Variants in CTNND2 observed in about 807,000 individuals in gnomAD.
CTNND2 encodes catenin delta-2.
CTNND2 carries 22 observed loss-of-function variants against 144.4 expected under a neutral mutation model. That is an observed-to-expected ratio of 0.15 (90% CI 0.11 to 0.22). CTNND2 has a LOEUF of 0.22. CTNND2 is among the 10% of genes least tolerant of loss of function. The probability of loss-of-function intolerance (pLI) is 1.00; values close to 1 mark genes in which losing one functional copy is unlikely to be tolerated. For missense variants in CTNND2, 1,353 were observed against 1,618.8 expected (o/e 0.84, Z 2.82); for synonymous variants, 751 against 695.6 (o/e 1.08, Z -1.25).
chr5:11,227,563 C>T (rs565505733), intron 10 of CTNND2, among the ~76,000 whole-genome samples: 4 of 152,094 alleles, frequency 2.6e-5, no homozygotes, highest in Non-Finnish European at 5.9e-5. Context: ...CACATTCCCT[C>T]GAACTATATG....
intron 9 of CTNND2, among the ~76,000 whole-genome samples, chr5:11,254,683 G>A (rs755808883): frequency 5.9e-5 from 9 of 152,142 alleles, no homozygotes; most frequent in South Asian, 4.1e-4. Flanking sequence ...GTCTAGAAAT[G>A]TTTTTTACAC....
intron 3 of CTNND2, among the ~76,000 whole-genome samples, chr5:11,555,452 G>A (rs16901742): frequency 0.1 from 15,900 of 152,120 alleles, 1,067 homozygotes; most frequent in East Asian, 0.23. Flanking sequence ...AAAAAAGAGA[G>A]GTTTAGAGGA....
At chr5:11,771,820 G>T (rs2126826925) in intron 1 of CTNND2, among the ~76,000 whole-genome samples, 1 of 151,044 alleles carries the variant, frequency 6.6e-6, no homozygotes. Context: ...ACTTCCTTAA[G>T]ATAAATTATT....
At chr5:11,865,943 G>A (rs1472365846) in intron 1 of CTNND2, among the ~76,000 whole-genome samples, 2 of 137,480 alleles carry the variant, frequency 1.5e-5, no homozygotes, top group Non-Finnish European at 3.1e-5. Flanking sequence ...CCTCCAGAAA[G>A]GAACACAGCC....
At chr5:11,453,221 T>C (rs1217456431) in intron 3 of CTNND2, among the ~76,000 whole-genome samples, 1 of 152,202 alleles carries the variant, frequency 6.6e-6, no homozygotes. Context: ...CAGACACAAC[T>C]ATTCTATTAA....
intron 9 of CTNND2, among the ~76,000 whole-genome samples, chr5:11,296,193 A>G (rs961825527): frequency 6.6e-6 from 1 of 152,002 alleles, no homozygotes; most frequent in African/African-American, 2.4e-5. Flanking sequence ...GACACTTCTC[A>G]AAAGAAGACA....
At chr5:11,257,075 A>T (rs1744329791) in intron 9 of CTNND2, among the ~76,000 whole-genome samples, 1 of 152,204 alleles carries the variant, frequency 6.6e-6, no homozygotes, top group African/African-American at 2.4e-5. Context: ...GGTCACAGGA[A>T]ATTAATCTCT....
chr5:11,850,504 A>G (rs1324258354), intron 1 of CTNND2, among the ~76,000 whole-genome samples: 1 of 152,216 alleles, frequency 6.6e-6, no homozygotes, highest in East Asian at 1.9e-4. Flanking sequence ...TCTACTATAC[A>G]TTTGTAATAA....
At chr5:11,375,663 T>G (rs567845944) in intron 7 of CTNND2, among the ~76,000 whole-genome samples, 1 of 152,264 alleles carries the variant, frequency 6.6e-6, no homozygotes, top group East Asian at 1.9e-4. Context: ...ATGAAACCAA[T>G]CTATAGCCAA....
At chr5:11,360,520 G>A (rs1023417289) in intron 8 of CTNND2, among the ~76,000 whole-genome samples, 15 of 152,094 alleles carry the variant, frequency 9.9e-5, no homozygotes, top group African/African-American at 2.7e-4. Context: ...CTGGTAGAGC[G>A]TACAGCTGTA....
intron 3 of CTNND2, among the ~76,000 whole-genome samples, chr5:11,452,861 G>T (rs987997093): frequency 6.6e-6 from 1 of 152,136 alleles, no homozygotes; most frequent in Non-Finnish European, 1.5e-5. Context: ...ATAGGTTTGC[G>T]ATCTATCCTA....
At chr5:11,304,911 G>T (rs976955128) in intron 9 of CTNND2, among the ~76,000 whole-genome samples, 4 of 152,118 alleles carry the variant, frequency 2.6e-5, no homozygotes, top group Non-Finnish European at 1.5e-5. Flanking sequence ...TAAGAAGCAC[G>T]TTATCCCAAG....
chr5:11,307,400 G>C (rs1018127334), intron 9 of CTNND2, among the ~76,000 whole-genome samples: 4 of 151,954 alleles, frequency 2.6e-5, no homozygotes, highest in African/African-American at 9.7e-5. Context: ...GAAGCAACCT[G>C]GTAGGAGGAA....
chr5:11,594,687 A>G (rs537491117), intron 2 of CTNND2, among the ~76,000 whole-genome samples: 13 of 152,300 alleles, frequency 8.5e-5, no homozygotes, highest in Admixed American at 5.2e-4. Context: ...AAAACAAACA[A>G]ATATACACAC....
intron 3 of CTNND2, among the ~76,000 whole-genome samples, chr5:11,476,894 A>C (rs1767797708): frequency 6.6e-6 from 1 of 152,190 alleles, no homozygotes; most frequent in South Asian, 2.1e-4. Flanking sequence ...TATTGCACAG[A>C]AAGGGAGTAG....
chr5:11,081,119 C>T (rs1398050076), intron 16 of CTNND2, among the ~76,000 whole-genome samples: 1 of 151,892 alleles, frequency 6.6e-6, no homozygotes, highest in African/African-American at 2.4e-5. Context: ...CACACACACA[C>T]ACAAACATGC....
At chr5:11,529,314 A>T (rs1344078794) in intron 3 of CTNND2, among the ~76,000 whole-genome samples, 4 of 152,252 alleles carry the variant, frequency 2.6e-5, no homozygotes, top group Non-Finnish European at 5.9e-5. Flanking sequence ...TACTAAATGG[A>T]TTATTTAATT....
At chr5:11,323,220 C>T (rs1248908329) in intron 9 of CTNND2, among the ~76,000 whole-genome samples, 1 of 106,906 alleles carries the variant, frequency 9.4e-6, no homozygotes, top group South Asian at 4.0e-4. Flanking sequence ...AAAACAAAAA[C>T]ATTTAGAGAT....
intron 3 of CTNND2, among the ~76,000 whole-genome samples, chr5:11,412,630 C>A (rs375628627): frequency 6.6e-6 from 1 of 152,022 alleles, no homozygotes; most frequent in African/African-American, 2.4e-5. Flanking sequence ...ATGACCCAGA[C>A]GGAAAGGGTT....
Sources: gnomAD v4.1 joint callset for allele counts (sites outside exome capture counted in the v4.1 genomes callset) on GRCh38, gnomAD v4.1.1 for gene constraint, MANE v1.5 for transcripts, NCBI Gene and HGNC (gene_info 2026-07-23, HGNC 2026-07-21) for gene names.